MDGA2: variants seen among roughly 807,000 people sequenced by gnomAD.
The protein encoded by MDGA2 is MAM domain containing glycosylphosphatidylinositol anchor 2, also known as MAM domain-containing glycosylphosphatidylinositol anchor protein 2.
Under a neutral mutation model 117.8 loss-of-function variants are expected in MDGA2, and 40 were observed. The ratio of observed to expected loss-of-function variants is 0.34; its 90% CI spans 0.26 to 0.44. The LOEUF (loss-of-function observed/expected upper bound fraction) is 0.44. MDGA2 is among the 20% of genes least tolerant of loss of function. The pLI is 1.00. For synonymous variants in MDGA2, 452 were observed against 439.0 expected, an observed-to-expected ratio of 1.03 and a Z score of -0.37; for missense variants, 1,123 against 1,250.6, an observed-to-expected ratio of 0.90 and a Z score of 1.54.
intron 1 of MDGA2, among the ~76,000 whole-genome samples, chr14:47,531,643 T>C (rs1313325903): frequency 2.0e-5 from 3 of 152,240 alleles, no homozygotes; most frequent in African/African-American, 4.8e-5. Flanking sequence ...TGTCATTCTA[T>C]AGCACTAAAC....
At chr14:47,314,610 C>T (rs752438988) in intron 1 of MDGA2, among the ~76,000 whole-genome samples, 11 of 151,306 alleles carry the variant, frequency 7.3e-5, no homozygotes, top group Admixed American at 6.6e-4. Flanking sequence ...TCCAGGAGGT[C>T]GAGGCAGCAG....
rs116569572 is a variant in MDGA2, at chr14:47,553,947, C to G, written c.280+120570G>C. On this transcript the variant is annotated intron_variant, in intron 1 of 16. Transcript: ENST00000399232. Reference sequence around the variant, plus strand: ...TCTGTTTATTTTTCAGGTGGGAAAACAGCAGTTCTATGTATTTTCGTCTGG... The same window carrying G: ...TCTGTTTATTTTTCAGGTGGGAAAAGAGCAGTTCTATGTATTTTCGTCTGG... Among the ~76,000 whole-genome samples, 358 of 152,266 alleles carry G rather than the reference C, an allele frequency of 2.4e-3. 1 individual carries two copies. Among genetic ancestry groups the G allele is most frequent in the African/African-American group, 8.1e-3 (337 of 41,538 alleles).
intron 5 of MDGA2, among the ~76,000 whole-genome samples, chr14:47,122,855 TA>T (rs1425288353): frequency 6.6e-6 from 1 of 152,052 alleles, no homozygotes; most frequent in Non-Finnish European, 1.5e-5. Context: ...CTTAGGAGTA[TA>T]AAAAATCCTA....
intron 6 of MDGA2, among the ~76,000 whole-genome samples, chr14:47,072,187 A>G (rs1890316522): frequency 6.6e-6 from 1 of 151,238 alleles, no homozygotes; most frequent in Non-Finnish European, 1.5e-5. Flanking sequence ...AATAAGAGTC[A>G]CACGTTCTAA....
At chr14:47,096,769 G>T (rs1879996130) in intron 6 of MDGA2, 85 bp downstream of exon 6, 5 of 1,281,310 alleles carry the variant, frequency 3.9e-6, no homozygotes, top group African/African-American at 3.0e-5. Flanking sequence ...CAATATTTGA[G>T]GAGGTAATTT....
At chr14:47,344,875 G>A (rs571344701) in intron 1 of MDGA2, among the ~76,000 whole-genome samples, 202 of 135,942 alleles carry the variant, frequency 1.5e-3, no homozygotes, top group African/African-American at 4.8e-3. Context: ...GTGTGTATGA[G>A]AGTGTGTGTG....
At chr14:47,167,246 C>T (rs868318752) in intron 3 of MDGA2, among the ~76,000 whole-genome samples, 1 of 151,978 alleles carries the variant, frequency 6.6e-6, no homozygotes, top group Non-Finnish European at 1.5e-5. Flanking sequence ...AACAAATTCT[C>T]ATTAAAGTTG....
intron 1 of MDGA2, among the ~76,000 whole-genome samples, chr14:47,615,675 T>A (rs1340553966): frequency 1.3e-5 from 2 of 152,218 alleles, no homozygotes; most frequent in Non-Finnish European, 2.9e-5. Flanking sequence ...GATATTCTAA[T>A]AGGCAATCCT....
intron 10 of MDGA2, among the ~76,000 whole-genome samples, chr14:46,898,255 T>C (rs1205527138): frequency 6.6e-6 from 1 of 152,064 alleles, no homozygotes; most frequent in Non-Finnish European, 1.5e-5. Flanking sequence ...GAAGAGACTC[T>C]GGTAATTTCT....
intron 1 of MDGA2, among the ~76,000 whole-genome samples, chr14:47,379,281 C>T (rs1485117090): frequency 6.6e-6 from 1 of 152,146 alleles, no homozygotes; most frequent in African/African-American, 2.4e-5. Context: ...TAAAGACCAT[C>T]GATGCTAGGA....
At chr14:47,495,189 T>A (rs114544920) in intron 1 of MDGA2, among the ~76,000 whole-genome samples, 1,660 of 152,218 alleles carry the variant, frequency 0.011, 29 homozygotes, top group African/African-American at 0.038. Context: ...AAACCACCTG[T>A]TCTCACTTAT....
chr14:46,907,015 C>T (rs1489754505), intron 10 of MDGA2, among the ~76,000 whole-genome samples: 6 of 146,252 alleles, frequency 4.1e-5, no homozygotes, highest in South Asian at 4.3e-4. Flanking sequence ...CTTGCTCTGA[C>T]GCCCAGAGTG....
intron 14 of MDGA2, among the ~76,000 whole-genome samples, chr14:46,868,604 CT>C (rs910229945): frequency 5.3e-5 from 8 of 151,910 alleles, no homozygotes; most frequent in African/African-American, 1.7e-4. Flanking sequence ...AAGCTATGGA[CT>C]TTTTAAAAAA....
At chr14:47,120,013 C>A (rs1881564675) in intron 5 of MDGA2, among the ~76,000 whole-genome samples, 1 of 152,034 alleles carries the variant, frequency 6.6e-6, no homozygotes, top group Admixed American at 6.6e-5. Context: ...CAAACATTTG[C>A]CAGCAAAACA....
intron 3 of MDGA2, among the ~76,000 whole-genome samples, chr14:47,188,688 C>T (rs1257246230): frequency 1.3e-5 from 2 of 151,960 alleles, no homozygotes; most frequent in African/African-American, 4.8e-5. Flanking sequence ...ATAAACTAGG[C>T]TATGAAATGT....
intron 10 of MDGA2, among the ~76,000 whole-genome samples, chr14:46,919,330 T>A (rs772963872): frequency 3.9e-5 from 6 of 152,184 alleles, no homozygotes; most frequent in Non-Finnish European, 8.8e-5. Flanking sequence ...CAAAAATGTT[T>A]TGTTATGCTG....
chr14:47,665,035 G>T (rs1897917981), intron 1 of MDGA2, among the ~76,000 whole-genome samples: 1 of 152,120 alleles, frequency 6.6e-6, no homozygotes, highest in Non-Finnish European at 1.5e-5. Context: ...CATCTTTCTA[G>T]TTGGGGTAAA....
chr14:47,025,554 T>C (rs1043291412), intron 8 of MDGA2, among the ~76,000 whole-genome samples: 12 of 152,116 alleles, frequency 7.9e-5, no homozygotes, highest in Admixed American at 6.6e-4. Flanking sequence ...TAACCTGGGG[T>C]GATTTTGCCA....
rs182185878 is a variant in MDGA2 at position 47,645,676 on chromosome 14, T to C, written c.280+28841A>G. ...ACATTTTTTTAAGATTTCATAAAAC[T>C]AGTACCAGCACTAACAAAAATGCTT... On this transcript the variant is annotated intron_variant, in intron 1 of 16. Coordinates refer to ENST00000399232, the MANE Select transcript of MDGA2 (RefSeq NM_001113498.3). Among the ~76,000 whole-genome samples the C allele has an allele frequency of 3.7e-3, 556 of 152,274 alleles. 3 individuals are homozygous for C. Among genetic ancestry groups the C allele is most frequent in the African/African-American group, 0.013 (522 of 41,576 alleles).
Sources: allele counts gnomAD v4.1 joint callset (sites outside exome capture counted in the v4.1 genomes callset), GRCh38; gene constraint gnomAD v4.1.1; transcripts MANE v1.5; gene names NCBI Gene and HGNC (gene_info 2026-07-23, HGNC 2026-07-21).